HK1: variants seen among roughly 807,000 people sequenced by gnomAD.
HK1 encodes hexokinase 1, also known as hexokinase-1.
In HK1, 28 loss-of-function variants were observed where a neutral mutation model predicts 91.6. The observed-to-expected ratio is 0.31, with a 90% CI of 0.23 to 0.42. The LOEUF is 0.42. HK1 is among the 10% of genes least tolerant of loss of function. The pLI is 1.00. For missense variants in HK1, 770 were observed against 1,219.8 expected (o/e 0.63, Z 5.49); for synonymous variants, 430 against 468.1 (o/e 0.92, Z 1.05).
chr10:69,288,029 T>A (rs746094846), intron 2 of HK1, among the ~76,000 whole-genome samples: 2 of 151,582 alleles, frequency 1.3e-5, no homozygotes, highest in Non-Finnish European at 2.9e-5. Context: ...ATGCCTGTGG[T>A]TGCAGCTACT....
rs568355243 is a variant in HK1, at chr10:69,273,072, C to T, written c.-391+2964C>T. On this transcript the variant is annotated intron_variant, in intron 1 of 21. Transcript: ENST00000360289. ...TTGAGATGGAGTCTCACTCTGTCAG[C>T]CAGGCTGGAGTGCAGTAGTGCAATC... Among the ~76,000 whole-genome samples the T allele has an allele frequency of 6.1e-5, 9 of 148,512 alleles. No homozygotes were observed. The East Asian group carries it at 1.8e-3, about 29-fold the overall frequency.
chr10:69,387,075 C>T (rs2132910380), intron 13 of HK1, among the ~76,000 whole-genome samples: 1 of 152,168 alleles, frequency 6.6e-6, no homozygotes, highest in Admixed American at 6.5e-5. Flanking sequence ...ACAGAGTCCA[C>T]AAACAATTGC....
intron 2 of HK1, among the ~76,000 whole-genome samples, chr10:69,285,539 C>T: frequency 6.6e-6 from 1 of 152,062 alleles, no homozygotes; most frequent in East Asian, 1.9e-4. Context: ...TATCAGGATC[C>T]CTAAACTCAA....
At chr10:69,348,313 C>G (rs933566788) in intron 2 of HK1, among the ~76,000 whole-genome samples, 42 of 152,164 alleles carry the variant, frequency 2.8e-4, no homozygotes, top group African/African-American at 1.0e-3. Context: ...ATTCATACTA[C>G]TGTTTTCCAG....
intron 1 of HK1, among the ~76,000 whole-genome samples, chr10:69,330,170 A>G (rs915157427): frequency 2.6e-5 from 4 of 152,106 alleles, no homozygotes; most frequent in African/African-American, 9.7e-5. Context: ...TTATTCACCC[A>G]GACCTCATGT....
chr10:69,287,513 T>C (rs776289653), intron 2 of HK1, among the ~76,000 whole-genome samples: 1 of 152,212 alleles, frequency 6.6e-6, no homozygotes, highest in East Asian at 1.9e-4. Context: ...TATTTTGAGA[T>C]TATATATCTT....
chr10:69,376,296 C>T (rs776226569), intron 7 of HK1, among the ~76,000 whole-genome samples: 32 of 151,934 alleles, frequency 2.1e-4, no homozygotes, highest in South Asian at 4.2e-4. Flanking sequence ...CTGGGAGGGT[C>T]GCTTGGGCCC....
chr10:69,325,427 G>A (rs1048748646), intron 1 of HK1, among the ~76,000 whole-genome samples: 16 of 149,522 alleles, frequency 1.1e-4, no homozygotes, highest in Non-Finnish European at 1.8e-4. Flanking sequence ...ATGTGATCTC[G>A]GCTCATTGCA....
intron 2 of HK1, among the ~76,000 whole-genome samples, chr10:69,344,436 C>A (rs940233509): frequency 1.1e-4 from 17 of 152,180 alleles, no homozygotes; most frequent in Non-Finnish European, 1.3e-4. Context: ...CTCTTCTTAT[C>A]CCAGATAATA....
upstream of HK1, among the ~76,000 whole-genome samples, chr10:69,315,346 G>C (rs1287827506): frequency 6.6e-6 from 1 of 152,194 alleles, no homozygotes; most frequent in East Asian, 1.9e-4. Flanking sequence ...TTCCAACTTA[G>C]AAGGCAGCCT....
chr10:69,399,338 T>C (rs899733678), intron 17 of HK1, among the ~76,000 whole-genome samples: 1 of 152,050 alleles, frequency 6.6e-6, no homozygotes, highest in African/African-American at 2.4e-5. Flanking sequence ...AGTGAGACCT[T>C]GTCTGTACAA....
At chr10:69,295,776 C>A in intron 4 of HK1, 2 of 852,318 alleles carry the variant, frequency 2.3e-6, no homozygotes, top group Non-Finnish European at 2.0e-6. Context: ...TTTCAGCCAG[C>A]CAAGCAGCTG....
intron 5 of HK1, among the ~76,000 whole-genome samples, chr10:69,303,198 G>A (rs773186251): frequency 6.6e-6 from 1 of 152,050 alleles, no homozygotes; most frequent in South Asian, 2.1e-4. Flanking sequence ...TGTGGTGGGG[G>A]GAGGGGGGAG....
intron 8 of HK1, among the ~76,000 whole-genome samples, chr10:69,378,754 C>G (rs1839242864): frequency 6.6e-6 from 1 of 152,114 alleles, no homozygotes; most frequent in African/African-American, 2.4e-5. Context: ...AATCTCTTCT[C>G]CCATCATAAA....
intron 1 of HK1, among the ~76,000 whole-genome samples, chr10:69,271,870 T>A (rs570442439): frequency 2.0e-5 from 3 of 152,040 alleles, no homozygotes; most frequent in African/African-American, 7.2e-5. Flanking sequence ...TCTCTTTTTT[T>A]TTCTTTTTTT....
At chr10:69,294,624 G>C (rs900132076) in intron 3 of HK1, among the ~76,000 whole-genome samples, 2 of 152,132 alleles carry the variant, frequency 1.3e-5, no homozygotes, top group Non-Finnish European at 2.9e-5. Context: ...GGGAAGCTGA[G>C]GCAGGCAGAT....
At chr10:69,336,350 C>T (rs1377990725) in intron 1 of HK1, among the ~76,000 whole-genome samples, 2 of 151,580 alleles carry the variant, frequency 1.3e-5, no homozygotes, top group Non-Finnish European at 2.9e-5. Context: ...TGCCACCAGG[C>T]CTGGCTCATT....
chr10:69,318,815 G>A (rs977418681), upstream of HK1: 22 of 1,407,868 alleles, frequency 1.6e-5, no homozygotes, highest in Non-Finnish European at 1.9e-5. Flanking sequence ...GCCGCGCCCC[G>A]GGCCGAGGGG....
At chr10:69,303,189 G>A (rs373366613) in intron 5 of HK1, among the ~76,000 whole-genome samples, 5 of 152,140 alleles carry the variant, frequency 3.3e-5, no homozygotes, top group East Asian at 1.9e-4. Context: ...TAGAGGTAAT[G>A]TGGTGGGGGG....
Sources: allele counts gnomAD v4.1 joint callset (sites outside exome capture counted in the v4.1 genomes callset), GRCh38; gene constraint gnomAD v4.1.1; transcripts MANE v1.5; gene names NCBI Gene and HGNC (gene_info 2026-07-23, HGNC 2026-07-21).